Variants in PLA2G4E observed in about 807,000 individuals in gnomAD.
The protein encoded by PLA2G4E is cytosolic phospholipase A2 epsilon.
A neutral mutation model predicts 109.1 loss-of-function variants in PLA2G4E; 84 were observed. The ratio of observed to expected loss-of-function variants is 0.77; its 90% CI spans 0.65 to 0.92. The LOEUF is 0.92. Among genes scored for constraint, PLA2G4E ranks in the 40% least tolerant of loss-of-function variants. The pLI is 0.00. For missense variants in PLA2G4E, 1,057 were observed against 1,076.6 expected, an observed-to-expected ratio of 0.98 and a Z score of 0.25; for synonymous variants, 469 against 436.1, an observed-to-expected ratio of 1.08 and a Z score of -0.94.
exon 20 of PLA2G4E, chr15:41,983,251 G>A (rs555510630): frequency 3.0e-4 from 47 of 158,750 alleles, no homozygotes; most frequent in African/African-American, 1.1e-3. Flanking sequence ...GCAACAGAGT[G>A]AGACTCCGTC....
In PLA2G4E at chr15:42,045,310, G is replaced by C. The variant is rs117212111; in HGVS notation, c.183+5211C>G. ...GAGTAGGGCAAGCCCTGCTGAGAGG[G>C]AAGGGCATGAGCTGGGGGCCAAGAG... On this transcript the variant is annotated intron_variant, in intron 1 of 19. Transcript: ENST00000399518. Among the ~76,000 whole-genome samples, 63 of 152,276 alleles carry C rather than the reference G, an allele frequency of 4.1e-4. 1 individual carries two copies. In the East Asian group the frequency reaches 8.7e-3, roughly 21 times the overall value.
exon 19 of PLA2G4E, chr15:41,984,445 T>C (rs773266308): frequency 3.7e-6 from 6 of 1,612,476 alleles, no homozygotes; most frequent in Non-Finnish European, 5.1e-6. Flanking sequence ...CCTGGTGCCT[T>C]GTATTTTCGG....
exon 10 of PLA2G4E, chr15:41,999,550 A>G (rs1192497736): frequency 8.7e-6 from 14 of 1,612,166 alleles, no homozygotes; most frequent in Non-Finnish European, 1.2e-5. Flanking sequence ...TGTGTAATTC[A>G]TAACTCTCAC....
intron 9 of PLA2G4E, 109 bp from the exon 10 acceptor site, chr15:41,999,670 G>C (rs2068392806): frequency 1.5e-6 from 2 of 1,356,380 alleles, no homozygotes; most frequent in Admixed American, 2.1e-5. Context: ...TGCACACACA[G>C]GCGCTCCATC....
At chr15:42,046,700 CCTAGAACAATA>C (rs1889422394) in intron 1 of PLA2G4E, among the ~76,000 whole-genome samples, 1 of 152,178 alleles carries the variant, frequency 6.6e-6, no homozygotes, top group African/African-American at 2.4e-5. Context: ...CTCTCCCACT[CCTAGAACAATA>C]CTAGGTGCAT....
chr15:42,035,312 C>T (rs367932074), intron 1 of PLA2G4E, among the ~76,000 whole-genome samples: 3 of 152,372 alleles, frequency 2.0e-5, no homozygotes, highest in African/African-American at 7.2e-5. Context: ...GCCTTGGTGA[C>T]ATCCCCTGCA....
intron 3 of PLA2G4E, among the ~76,000 whole-genome samples, chr15:42,006,388 G>A (rs113156707): frequency 2.6e-5 from 4 of 152,268 alleles, no homozygotes; most frequent in African/African-American, 9.6e-5. Context: ...TTACAAGCTT[G>A]GTAGAGACCT....
In PLA2G4E at chr15:42,001,124, C is replaced by T; in HGVS notation, c.673+33G>A. On this transcript the variant is annotated intron_variant, in intron 7 of 19. Transcript: ENST00000399518. ...GGATTTGGAAGCAGCTCCCCCTTGT[C>T]CCCCAGTAGGCAGAAAAGGCAAAAC... 1.9e-6 allele frequency: 3 copies of T among 1,584,896 alleles called. No individual in the cohort carries two copies. In the East Asian group the frequency reaches 6.7e-5, roughly 35 times the overall value.
At chr15:42,021,894 A>G (rs2068652254) in intron 1 of PLA2G4E, among the ~76,000 whole-genome samples, 1 of 152,184 alleles carries the variant, frequency 6.6e-6, no homozygotes, top group Non-Finnish European at 1.5e-5. Flanking sequence ...TGAACATGGG[A>G]CAGACTGGGC....
At chr15:42,049,888 T>C (rs1566854697) in intron 1 of PLA2G4E, among the ~76,000 whole-genome samples, 1 of 152,240 alleles carries the variant, frequency 6.6e-6, no homozygotes, top group South Asian at 2.1e-4. Flanking sequence ...GAGGCAGACC[T>C]GGATCACCTG....
chr15:41,984,596 G>C lies in PLA2G4E; in HGVS notation c.2226C>G (p.Tyr742Ter), dbSNP rs757863845. The C allele has an allele frequency of 6.2e-7, 1 of 1,608,690 alleles. No individual in the cohort carries two copies. Among genetic ancestry groups the C allele is most frequent in the African/African-American group, 1.3e-5 (1 of 74,818 alleles). The change falls in exon 19 of 20, where the codon TAC becomes TAG. Residue 742 changes from tyrosine to a stop codon, truncating the protein, a stop_gained. Coordinates refer to ENST00000399518, the Ensembl canonical transcript of PLA2G4E. LOFTEE classifies it high-confidence loss of function. The stretch of plus-strand genomic sequence containing the variant: ...GGAAGGGGATGTTCTGCACAGTGCA[G>C]TACTCACAGGTTTGTTTCAGGGGCT...
rs1305388455 is a variant in PLA2G4E, at chr15:41,988,283, T to C, written c.1724-127A>G. ...AGGCTGCTCCACAGGCGGGACAGACTTCAGACTTCCATGTCCTTCTCCCCT... is the reference window on the plus strand; with the variant it reads ...AGGCTGCTCCACAGGCGGGACAGACCTCAGACTTCCATGTCCTTCTCCCCT... On this transcript the variant is annotated intron_variant, in intron 15 of 19. Transcript: ENST00000399518. 1.1e-5 allele frequency: 7 copies of C among 630,426 alleles called. No individual in the cohort carries two copies. In the East Asian group the frequency reaches 1.7e-4, roughly 16 times the overall value. The allele number at this position is 630,426 out of a possible 1,614,324, so 39.1% of individuals were successfully genotyped here. A position where few individuals can be genotyped will look rare whatever the true frequency, so the allele number is the denominator to read the frequency against.
At chr15:42,006,836 G>A (rs1046060254) in intron 3 of PLA2G4E, among the ~76,000 whole-genome samples, 3 of 152,086 alleles carry the variant, frequency 2.0e-5, no homozygotes, top group African/African-American at 4.8e-5. Context: ...TTCCCAACGG[G>A]ATGTGATTGT....
intron 11 of PLA2G4E, 144 bp downstream of exon 11, chr15:41,996,980 G>C: frequency 9.3e-7 from 1 of 1,070,708 alleles, no homozygotes; most frequent in Non-Finnish European, 1.3e-6. Flanking sequence ...TTCCAGCACA[G>C]CTCTCACCAG....
At chr15:41,999,556 C>T (rs777791868) in exon 10 of PLA2G4E, 50 of 1,612,276 alleles carry the variant, frequency 3.1e-5, no homozygotes, top group Non-Finnish European at 4.1e-5. Context: ...ATTCATAACT[C>T]TCACCCTGGG....
chr15:42,020,588 T>G (rs2068638783), intron 1 of PLA2G4E, among the ~76,000 whole-genome samples: 1 of 151,732 alleles, frequency 6.6e-6, no homozygotes, highest in African/African-American at 2.4e-5. Flanking sequence ...TAAATCCTGC[T>G]TGCCATTAGG....
chr15:42,012,401 A>C (rs779163305), intron 2 of PLA2G4E, among the ~76,000 whole-genome samples: 2 of 152,052 alleles, frequency 1.3e-5, no homozygotes, highest in Non-Finnish European at 1.5e-5. Flanking sequence ...ACCAGACCCT[A>C]CTTCCCTCTT....
chr15:42,002,171 T>C (rs1566840790), intron 6 of PLA2G4E, among the ~76,000 whole-genome samples: 1 of 131,076 alleles, frequency 7.6e-6, no homozygotes, highest in Non-Finnish European at 1.6e-5. Flanking sequence ...TAGCTGGGGG[T>C]GGTGGCGTGC....
intron 9 of PLA2G4E, 52 bp downstream of exon 9, chr15:41,999,865 A>G (rs2068395222): frequency 1.4e-6 from 2 of 1,464,628 alleles, no homozygotes; most frequent in Non-Finnish European, 9.4e-7. Flanking sequence ...TCCCTACCAC[A>G]GGAGCTCCAG....
Sources: gnomAD v4.1 joint callset for allele counts (sites outside exome capture counted in the v4.1 genomes callset) on GRCh38, gnomAD v4.1.1 for gene constraint, MANE v1.5 for transcripts, NCBI Gene and HGNC (gene_info 2026-07-23, HGNC 2026-07-21) for gene names.